The following CLEC7A variants were observed in gnomAD, a reference collection of about 807,000 sequenced individuals.
CLEC7A encodes C-type lectin domain containing 7A, also known as C-type lectin domain family 7 member A.
In CLEC7A, 25 loss-of-function variants were observed where a neutral mutation model predicts 26.9. The observed-to-expected ratio is 0.93, with a 90% confidence interval of 0.68 to 1.30. The LOEUF is 1.30. Among genes scored for constraint, CLEC7A ranks in the 50% most tolerant of loss-of-function variants. CLEC7A has a pLI of 0.00. For missense variants in CLEC7A, 275 were observed against 286.7 expected, an observed-to-expected ratio of 0.96 and a Z score of 0.29; for synonymous variants, 100 against 99.5, an observed-to-expected ratio of 1.01 and a Z score of -0.03.
chr12:10,126,635 G>A lies in CLEC7A; in HGVS notation c.276C>T (p.His92=). Residue 92 remains histidine, a synonymous_variant, in exon 3 of 6, where the codon CAC becomes CAT. Transcript: ENST00000304084. ...CTAAAGATGATTGTGTGGGTTGACT[G>A]TGGTTCTCTTTATTTCTTGATAGAA... The part of the protein sequence containing the change: ...GYFLSRNKEN[H]SQPTQSSLED... The A allele has an allele frequency of 6.2e-7, 1 of 1,613,036 alleles. No individual in the cohort carries two copies. The highest frequency in any genetic ancestry group is 1.1e-5 in the South Asian group (1 of 90,984).
chr12:10,128,667 A>T (rs1948388325), intron 1 of CLEC7A, among the ~76,000 whole-genome samples: 1 of 152,176 alleles, frequency 6.6e-6, no homozygotes, highest in Admixed American at 6.5e-5. Context: ...GAGCTAACAC[A>T]TATAAAAGCA....
At chr12:10,125,577 T>A (rs2137445206) in intron 3 of CLEC7A, 129 bp from the exon 4 acceptor site, 1 of 673,588 alleles carries the variant, frequency 1.5e-6, no homozygotes, top group East Asian at 2.9e-5. Context: ...TCATTGTCAA[T>A]TCGAACTACA....
chr12:10,118,333 A>T lies in CLEC7A; in HGVS notation c.*125T>A. On this transcript the variant is annotated 3_prime_UTR_variant, in exon 6 of 6. Coordinates refer to ENST00000304084, the MANE Select transcript of CLEC7A (RefSeq NM_197947.3). Reference sequence around the variant, plus strand: ...TCCCTTCAATTTCTTGGTTAAGATTACAGTTGGCCAAGCTCTCTAAACATT... The same window carrying T: ...TCCCTTCAATTTCTTGGTTAAGATTTCAGTTGGCCAAGCTCTCTAAACATT... 4.7e-6 allele frequency: 4 copies of T among 859,018 alleles called. No homozygotes were observed. Among genetic ancestry groups the T allele is most frequent in the Non-Finnish European group, 5.4e-6 (3 of 552,452 alleles). 53.2% of individuals were successfully genotyped at this position (859,018 alleles called of 1,614,324 possible). A position where few individuals can be genotyped will look rare whatever the true frequency, so the allele number is the denominator to read the frequency against.
At chr12:10,119,067 CTG>C (rs1308841914) in intron 5 of CLEC7A, among the ~76,000 whole-genome samples, 2 of 152,122 alleles carry the variant, frequency 1.3e-5, no homozygotes, top group Admixed American at 6.5e-5. Context: ...GCAAACAACT[CTG>C]TATATTTTAA....
In CLEC7A at chr12:10,125,372, A is replaced by T; in HGVS notation, c.417T>A (p.Asn139Lys). ...KSCYLFSMSL[N>K]SWDGSKRQCW... ...ATTGTCTTTTACTTCCATCCCAGGAATTTAGTGACATGCTGAATAGATAAC... is the reference window on the plus strand; with the variant it reads ...ATTGTCTTTTACTTCCATCCCAGGATTTTAGTGACATGCTGAATAGATAAC... The change falls in exon 4 of 6, where the codon AAT becomes AAA. Residue 139 changes from asparagine to lysine, a missense_variant. Coordinates refer to ENST00000304084, the MANE Select transcript of CLEC7A (RefSeq NM_197947.3). The T allele has an allele frequency of 1.9e-6, 3 of 1,613,652 alleles. No individual in the cohort carries two copies. Among genetic ancestry groups the T allele is most frequent in the Non-Finnish European group, 2.5e-6 (3 of 1,179,828 alleles).
At chr12:10,126,382 G>T (rs926428418) in intron 3 of CLEC7A, 189 bp downstream of exon 3, 10 of 979,526 alleles carry the variant, frequency 1.0e-5, no homozygotes, top group Non-Finnish European at 1.2e-5. Context: ...ACTGCATAGG[G>T]TACTTATAAT....
chr12:10,127,734 A>G lies in CLEC7A; in HGVS notation c.202+13T>C. The G allele has an allele frequency of 6.5e-7, 1 of 1,540,890 alleles. No homozygotes were observed. Among genetic ancestry groups the G allele is most frequent in the South Asian group, 1.2e-5 (1 of 85,772 alleles). ...AAATTGTCTGTTGTTAATCTCCTCC[A>G]CCAAATACTCACCCATGGTACCCAG... On this transcript the variant is annotated intron_variant, in intron 2 of 5. Coordinates refer to ENST00000304084, the MANE Select transcript of CLEC7A (RefSeq NM_197947.3).
chr12:10,127,468 TGTA>T (rs1948329114), intron 2 of CLEC7A: 1 of 1,611,572 alleles, frequency 6.2e-7, no homozygotes, highest in East Asian at 2.2e-5. Flanking sequence ...AGGAGAGCAA[TGTA>T]GTTAAGAGTA....
At chr12:10,120,022 C>T (rs1948029128) in intron 5 of CLEC7A, among the ~76,000 whole-genome samples, 1 of 152,028 alleles carries the variant, frequency 6.6e-6, no homozygotes, top group Non-Finnish European at 1.5e-5. Context: ...AATTATAAAA[C>T]TGAAAATGTC....
chr12:10,116,968 T>C lies in CLEC7A; in HGVS notation c.*1490A>G, dbSNP rs1048775860. The C allele has an allele frequency of 6.6e-6, 1 of 151,860 alleles. No individual in the cohort carries two copies. The highest frequency in any genetic ancestry group is 1.5e-5 in the Non-Finnish European group (1 of 67,976). The allele number at this position is 151,860 out of a possible 1,614,324, so 9.4% of individuals were successfully genotyped here. A position where few individuals can be genotyped will look rare whatever the true frequency, so the allele number is the denominator to read the frequency against. ...TAAAAATAGCACCAGTGGGAAAGTATGAAAAAAATAAGACAAATCAGCACA... is the reference window on the plus strand; with the variant it reads ...TAAAAATAGCACCAGTGGGAAAGTACGAAAAAAATAAGACAAATCAGCACA... On this transcript the variant is annotated 3_prime_UTR_variant, in exon 6 of 6. Transcript: ENST00000304084.
intron 5 of CLEC7A, among the ~76,000 whole-genome samples, chr12:10,121,609 C>A (rs1948088682): frequency 6.6e-6 from 1 of 152,186 alleles, no homozygotes; most frequent in African/African-American, 2.4e-5. Flanking sequence ...CTAAATAACT[C>A]CTGGGTCAAA....
intron 1 of CLEC7A, among the ~76,000 whole-genome samples, chr12:10,129,162 C>T (rs1390507322): frequency 6.6e-6 from 1 of 152,120 alleles, no homozygotes; most frequent in Non-Finnish European, 1.5e-5. Context: ...TTTTTATCTA[C>T]CATATGTTCA....
intron 5 of CLEC7A, among the ~76,000 whole-genome samples, chr12:10,122,996 C>A (rs866072512): frequency 6.6e-6 from 1 of 152,044 alleles, no homozygotes; most frequent in South Asian, 2.1e-4. Flanking sequence ...CGATGCCTCC[C>A]TAGTAAGAAA....
chr12:10,126,959 T>C (rs1197279849), intron 2 of CLEC7A: 2 of 964,404 alleles, frequency 2.1e-6, no homozygotes, highest in Non-Finnish European at 2.8e-6. Context: ...GAAGAAGAAA[T>C]AGAATGAGGG....
chr12:10,126,591 G>A lies in CLEC7A; in HGVS notation c.320C>T (p.Thr107Ile), dbSNP rs746604310. The part of the protein sequence containing the change: ...QSSLEDSVTP[T>I]KAVKTTGVLS... ...CTTGCCTGTGGTTTTGACAGCTTTG[G>A]TAGGAGTCACACTGTCTTCTAAAGA... The change falls in exon 3 of 6, where the codon ACC (threonine) becomes ATC (isoleucine). Residue 107 changes from threonine (T) to isoleucine (I), a missense_variant. Coordinates refer to ENST00000304084, the MANE Select transcript of CLEC7A (RefSeq NM_197947.3). The A allele has an allele frequency of 1.4e-5, 23 of 1,607,598 alleles. No individual in the cohort carries two copies. Among genetic ancestry groups the A allele is most frequent in the Non-Finnish European group, 1.8e-5 (21 of 1,177,208 alleles).
chr12:10,118,676 T>C, intron 5 of CLEC7A, 86 bp from the exon 6 acceptor site: 1 of 1,200,824 alleles, frequency 8.3e-7, no homozygotes, highest in Non-Finnish European at 1.2e-6. Flanking sequence ...AGTAAGGATA[T>C]TGGTGAAAAG....
chr12:10,122,530 ACT>A (rs1191993259), intron 5 of CLEC7A, among the ~76,000 whole-genome samples: 5 of 128,388 alleles, frequency 3.9e-5, no homozygotes, highest in Admixed American at 1.9e-4. Context: ...CTGGAGTCTC[ACT>A]CTGTCATCCA....
chr12:10,127,090 C>G (rs868821969), intron 2 of CLEC7A: 2 of 1,366,532 alleles, frequency 1.5e-6, no homozygotes, highest in South Asian at 1.3e-5. Flanking sequence ...TGCCCAGTAC[C>G]TATAACATAG....
intron 5 of CLEC7A, among the ~76,000 whole-genome samples, chr12:10,119,249 ACTTGGC>A (rs1948003371): frequency 6.6e-6 from 1 of 152,208 alleles, no homozygotes; most frequent in South Asian, 2.1e-4. Context: ...AAAAGCTATG[ACTTGGC>A]ACTCTTTGTC....
Sources: allele counts gnomAD v4.1 joint callset (sites outside exome capture counted in the v4.1 genomes callset), GRCh38; gene constraint gnomAD v4.1.1; transcripts MANE v1.5; gene names NCBI Gene and HGNC (gene_info 2026-07-23, HGNC 2026-07-21).